Variants in ECSCR observed in about 807,000 individuals in gnomAD.
ECSCR encodes the protein endothelial cell-specific chemotaxis regulator.
ECSCR carries 12 observed loss-of-function variants against 16.7 expected under a neutral mutation model. The ratio of observed to expected loss-of-function variants is 0.72; its 90% CI spans 0.46 to 1.17. The LOEUF (loss-of-function observed/expected upper bound fraction) is 1.17. ECSCR is among the 50% of genes most tolerant of loss of function. ECSCR has a pLI of 0.00. For missense variants in ECSCR, 122 were observed against 116.1 expected (o/e 1.05, Z -0.23); for synonymous variants, 44 against 42.2 (o/e 1.04, Z -0.17).
At chr5:139,458,500 CAAAAAAAAAAAAAAAAAAAAAA>C (rs397882364) in intron 1 of ECSCR, among the ~76,000 whole-genome samples, 4 of 85,382 alleles carry the variant, frequency 4.7e-5, no homozygotes, top group South Asian at 7.0e-4. Context: ...CCTATCTCAA[CAAAAAAAAAAAAAAAAAAAAAA>C]AAAAAAAAAA....
In ECSCR at chr5:139,457,795, C is replaced by T. The variant is rs767171879; in HGVS notation, c.119G>A (p.Gly40Asp). 1.2e-6 allele frequency: 2 copies of T among 1,609,810 alleles called. No individual in the cohort carries two copies. The highest frequency in any genetic ancestry group is 1.3e-5 in the African/African-American group (1 of 74,814). The change falls in exon 3 of 10, where the codon GGT becomes GAT. Residue 40 changes from glycine to aspartate, a missense_variant. Transcript: ENST00000618155. ...QTSSSQGGLGGLSLTTEPVSS... is the reference protein window; with the variant it reads ...QTSSSQGGLGDLSLTTEPVSS... ...AACTGGCTCTGTGGTCAGACTTAGA[C>T]CGCCAAGGCCTCCTGAAACAGAACA...
intron 4 of ECSCR, among the ~76,000 whole-genome samples, chr5:139,457,281 C>A (rs1326353956): frequency 3.3e-5 from 5 of 152,192 alleles, no homozygotes; most frequent in African/African-American, 9.7e-5. Flanking sequence ...CTCAGCTGAC[C>A]CCTTCTCAGC....
chr5:139,455,245 G>GCACCCTAACC (rs1751129624), intron 6 of ECSCR, 78 bp downstream of exon 6: 3 of 245,518 alleles, frequency 1.2e-5, no homozygotes, highest in Non-Finnish European at 1.3e-5. Flanking sequence ...ATTTGAACTT[G>GCACCCTAACC]CGTTTCAGAC....
Position 139,448,749 on chromosome 5 carries a change from G to T in ECSCR, c.*151C>A. 6.9e-7 allele frequency: 1 copy of T among 1,450,942 alleles called. No individual in the cohort carries two copies. 89.9% of individuals were successfully genotyped at this position (1,450,942 alleles called of 1,614,324 possible). A position where few individuals can be genotyped will look rare whatever the true frequency, so the allele number is the denominator to read the frequency against. ...TTGGTAGCTTGCTCCCAGATCTGGG[G>T]CAATGCTAGTGTCCTTTAGATCTAG... is the stretch of plus-strand genomic sequence containing the variant. On this transcript the variant is annotated 3_prime_UTR_variant, in exon 10 of 10. Coordinates refer to ENST00000618155, the MANE Select transcript of ECSCR (RefSeq NM_001077693.4).
At chr5:139,457,884 T>C in intron 2 of ECSCR, 77 bp from the exon 3 acceptor site, 1 of 1,474,492 alleles carries the variant, frequency 6.8e-7, no homozygotes. Flanking sequence ...CCTAGATCTG[T>C]GTGTCTTTCT....
chr5:139,462,202 A>G (rs1751320727), intron 1 of ECSCR, among the ~76,000 whole-genome samples: 1 of 152,200 alleles, frequency 6.6e-6, no homozygotes, highest in Admixed American at 6.5e-5. Context: ...TGTGAAGCCC[A>G]TGGTGCAGAG....
At chr5:139,452,334 TG>T (rs1751078447) in intron 8 of ECSCR, among the ~76,000 whole-genome samples, 2 of 150,534 alleles carry the variant, frequency 1.3e-5, no homozygotes, top group African/African-American at 2.5e-5. Context: ...GGGGTGTGTG[TG>T]TGTGATATGT....
intron 6 of ECSCR, 40 bp downstream of exon 6, chr5:139,455,283 G>A (rs1451163582): frequency 1.5e-5 from 6 of 394,338 alleles, no homozygotes; most frequent in Non-Finnish European, 2.7e-5. Flanking sequence ...TCCAGGGGTA[G>A]GGGTTCCTCC....
At chr5:139,454,577 T>C (rs1751116114) in intron 8 of ECSCR, 25 bp downstream of exon 8, 4 of 397,988 alleles carry the variant, frequency 1.0e-5, no homozygotes, top group South Asian at 1.3e-4. Context: ...GGGTGTCAGA[T>C]AGAAGATTTT....
Position 139,449,105 on chromosome 5 carries a change from A to G in ECSCR, c.582T>C (p.Asn194=). The change falls in exon 9 of 10, where the codon AAT becomes AAC. Residue 194 remains asparagine, a synonymous_variant. Coordinates refer to ENST00000618155, the MANE Select transcript of ECSCR (RefSeq NM_001077693.4). The stretch of plus-strand genomic sequence containing the variant: ...TCTCTGCTGAGAGACTTTGTTTGCC[A>G]TTATTCATGTTGATGTTCTTCATGG... ...LISMKNINMN[N]GKQSLSAEKV... is the part of the protein sequence containing the mutation. 1 of 1,537,194 alleles carries G rather than the reference A, an allele frequency of 6.5e-7. No homozygotes were observed. The highest frequency in any genetic ancestry group is 8.7e-7 in the Non-Finnish European group (1 of 1,146,886).
intron 5 of ECSCR, among the ~76,000 whole-genome samples, chr5:139,455,720 C>T (rs903910053): frequency 8.1e-5 from 12 of 147,852 alleles, no homozygotes; most frequent in Non-Finnish European, 3.0e-5. Flanking sequence ...CTCATGCCTG[C>T]AATCCCAATA....
At chr5:139,460,324 T>C (rs1307975797) in intron 1 of ECSCR, among the ~76,000 whole-genome samples, 1 of 151,998 alleles carries the variant, frequency 6.6e-6, no homozygotes, top group African/African-American at 2.4e-5. Flanking sequence ...TTAGTAGAGA[T>C]GGGGTTTCAC....
intron 8 of ECSCR, among the ~76,000 whole-genome samples, chr5:139,452,250 GTGTGTGGGT>G (rs1751072613): frequency 4.8e-5 from 7 of 145,884 alleles, no homozygotes; most frequent in Non-Finnish European, 7.6e-5. Context: ...GATGTGTGGG[GTGTGTGGGT>G]ATATGTGTAT....
chr5:139,454,777 G>A, intron 7 of ECSCR, 48 bp downstream of exon 7: 1 of 398,358 alleles, frequency 2.5e-6, no homozygotes, highest in Admixed American at 4.4e-5. Context: ...CTCTAGCCCT[G>A]GGTCCGCCAG....
chr5:139,459,162 G>C (rs770653544), intron 1 of ECSCR, among the ~76,000 whole-genome samples: 1 of 152,146 alleles, frequency 6.6e-6, no homozygotes, highest in Admixed American at 6.5e-5. Context: ...ACAAGGAAGG[G>C]CCCAGGACTC....
intron 1 of ECSCR, 158 bp from the exon 2 acceptor site, chr5:139,458,341 T>TA (rs1205308877): frequency 1.4e-4 from 30 of 209,952 alleles, no homozygotes; most frequent in African/African-American, 5.8e-4. Flanking sequence ...TTTTTTTTTT[T>TA]AAATTCTCCA....
chr5:139,457,761 G>C lies in ECSCR; in HGVS notation c.153C>G (p.Asn51Lys), dbSNP rs1462486533. The C allele has an allele frequency of 1.9e-6, 3 of 1,613,000 alleles. No individual in the cohort carries two copies. Among genetic ancestry groups the C allele is most frequent in the Non-Finnish European group, 2.5e-6 (3 of 1,179,470 alleles). Residue 51 changes from asparagine to lysine, a missense_variant, in exon 3 of 10, where the codon AAC becomes AAG. Coordinates refer to ENST00000618155, the MANE Select transcript of ECSCR (RefSeq NM_001077693.4). The stretch of plus-strand genomic sequence containing the variant: ...TCAGCAACCACACTCACTCACCTGG[G>C]TTGGAAGAAACTGGCTCTGTGGTCA... ...LSLTTEPVSS[N>K]PGYIPSSEAN... is the part of the protein sequence containing the mutation.
At chr5:139,452,195 G>C (rs1751069108) in intron 8 of ECSCR, among the ~76,000 whole-genome samples, 1 of 148,142 alleles carries the variant, frequency 6.8e-6, no homozygotes, top group Non-Finnish European at 1.5e-5. Context: ...GAGTAGTGTG[G>C]GGTGTGGGAT....
chr5:139,459,291 C>A (rs775085251), intron 1 of ECSCR, among the ~76,000 whole-genome samples: 1 of 151,962 alleles, frequency 6.6e-6, no homozygotes, highest in Non-Finnish European at 1.5e-5. Flanking sequence ...TTGTATCTTG[C>A]CTAGAGGTAG....
Sources: allele counts gnomAD v4.1 joint callset (sites outside exome capture counted in the v4.1 genomes callset), GRCh38; gene constraint gnomAD v4.1.1; transcripts MANE v1.5; gene names NCBI Gene and HGNC (gene_info 2026-07-23, HGNC 2026-07-21).